OSBPL8: variants seen among roughly 807,000 people sequenced by gnomAD.
OSBPL8 encodes the protein oxysterol-binding protein-related protein 8.
A neutral mutation model predicts 125.5 loss-of-function variants in OSBPL8; 59 were observed. The ratio of observed to expected loss-of-function variants is 0.47; its 90% CI spans 0.38 to 0.58. The LOEUF (loss-of-function observed/expected upper bound fraction) is 0.58. Ranked by LOEUF, OSBPL8 falls within the 20% of genes least tolerant of loss-of-function variation. The pLI is 0.00. For missense variants in OSBPL8, 758 were observed against 1,047.8 expected (o/e 0.72, Z 3.82); for synonymous variants, 330 against 338.9 (o/e 0.97, Z 0.29).
intron 1 of OSBPL8, among the ~76,000 whole-genome samples, chr12:76,536,214 T>C (rs1200673178): frequency 1.3e-5 from 2 of 152,160 alleles, no homozygotes; most frequent in African/African-American, 4.8e-5. Flanking sequence ...AGGCCTGGTG[T>C]GGTGGCTCAC....
intron 1 of OSBPL8, among the ~76,000 whole-genome samples, chr12:76,547,871 C>G (rs994959801): frequency 2.0e-5 from 3 of 151,884 alleles, no homozygotes; most frequent in Non-Finnish European, 2.9e-5. Flanking sequence ...TAGGGGACAA[C>G]GAAAGGGGAA....
intron 2 of OSBPL8, among the ~76,000 whole-genome samples, chr12:76,460,424 A>T (rs1874575761): frequency 6.6e-6 from 1 of 152,040 alleles, no homozygotes; most frequent in South Asian, 2.1e-4. Context: ...AGTGCTTGTT[A>T]CATGCCAAGC....
intron 21 of OSBPL8, among the ~76,000 whole-genome samples, chr12:76,365,056 C>A (rs7136020): frequency 6.6e-6 from 1 of 152,184 alleles, no homozygotes; most frequent in African/African-American, 2.4e-5. Flanking sequence ...TCTGGGCTCA[C>A]GTGATCCTCC....
chr12:76,550,230 T>C (rs1950897780), intron 1 of OSBPL8, among the ~76,000 whole-genome samples: 1 of 151,936 alleles, frequency 6.6e-6, no homozygotes, highest in African/African-American at 2.4e-5. Context: ...TTTGGTCATA[T>C]CCAAATTTTT....
Position 76,397,732 on chromosome 12 carries a change from G to A in OSBPL8, c.634C>T (p.Leu212Phe). 6.2e-7 allele frequency: 1 copy of A among 1,614,022 alleles called. No individual in the cohort carries two copies. Among genetic ancestry groups the A allele is most frequent in the Non-Finnish European group, 8.5e-7 (1 of 1,179,976 alleles). The change falls in exon 8 of 24, where the codon CTT becomes TTT. Residue 212 changes from leucine (L) to phenylalanine (F), a missense_variant. Around this residue, in one of 3 missense-constraint regions of OSBPL8, gnomAD observed 69 missense variants for 148.7 expected, o/e 0.46. Coordinates refer to ENST00000261183, the MANE Select transcript of OSBPL8 (RefSeq NM_020841.5). ...PSKKDGFCFK[L>F]FHPLEQSIWA... is the part of the protein sequence containing the mutation. Reference sequence around the variant, plus strand: ...ATAGATTGCTCCAAAGGATGGAAAAGTTTGAAACAAAAGCCATCCTTTTTT... The same window carrying A: ...ATAGATTGCTCCAAAGGATGGAAAAATTTGAAACAAAAGCCATCCTTTTTT...
At chr12:76,524,216 C>G (rs914216479) in intron 1 of OSBPL8, among the ~76,000 whole-genome samples, 1 of 152,098 alleles carries the variant, frequency 6.6e-6, no homozygotes, top group African/African-American at 2.4e-5. Flanking sequence ...AAGCACCAAA[C>G]TATAACCCTA....
chr12:76,397,624 T>C lies in OSBPL8; in HGVS notation c.672+70A>G, dbSNP rs116046840. 1,783 of 1,416,876 alleles carry C rather than the reference T, an allele frequency of 1.3e-3. 23 individuals are homozygous for C. In the African/African-American group the frequency reaches 0.022, roughly 18 times the overall value. 87.8% of individuals were successfully genotyped at this position (1,416,876 alleles called of 1,614,324 possible). A position where few individuals can be genotyped will look rare whatever the true frequency, so the allele number is the denominator to read the frequency against. The stretch of plus-strand genomic sequence containing the variant: ...CTGGCAGAGGACTAAACTCATTTGA[T>C]TGATGTATCTCAGTTCTATTCATGG... On this transcript the variant is annotated intron_variant, in intron 8 of 23. Coordinates refer to ENST00000261183, the MANE Select transcript of OSBPL8 (RefSeq NM_020841.5).
intron 15 of OSBPL8, among the ~76,000 whole-genome samples, chr12:76,383,159 A>T (rs1397466546): frequency 2.0e-5 from 3 of 152,132 alleles, no homozygotes; most frequent in Non-Finnish European, 4.4e-5. Flanking sequence ...GTACTATAAC[A>T]CAGAAAAAAG....
intron 4 of OSBPL8, among the ~76,000 whole-genome samples, chr12:76,410,932 C>T (rs1954488966): frequency 6.6e-6 from 1 of 152,170 alleles, no homozygotes; most frequent in Non-Finnish European, 1.5e-5. Flanking sequence ...AGCTGGTTTC[C>T]AGCAACGAAT....
At chr12:76,373,163 A>G (rs1952683475) in intron 18 of OSBPL8, among the ~76,000 whole-genome samples, 181 bp downstream of exon 18, 1 of 152,186 alleles carries the variant, frequency 6.6e-6, no homozygotes, top group South Asian at 2.1e-4. Context: ...TGGAAATAAA[A>G]TATTACACAA....
intron 1 of OSBPL8, among the ~76,000 whole-genome samples, chr12:76,506,753 G>A (rs1880457649): frequency 6.6e-6 from 1 of 152,204 alleles, no homozygotes; most frequent in South Asian, 2.1e-4. Context: ...TCCTGGAAGG[G>A]GAAAGTGGCT....
intron 1 of OSBPL8, among the ~76,000 whole-genome samples, chr12:76,505,068 C>T (rs1001582225): frequency 6.6e-6 from 1 of 152,174 alleles, no homozygotes; most frequent in Non-Finnish European, 1.5e-5. Context: ...ACCCTAGCCT[C>T]CAATAGAGGA....
At chr12:76,464,136 T>C (rs1366577071) in intron 2 of OSBPL8, among the ~76,000 whole-genome samples, 4 of 152,180 alleles carry the variant, frequency 2.6e-5, no homozygotes, top group Non-Finnish European at 5.9e-5. Context: ...AAGGTCATCA[T>C]GGGCGCCTTG....
At chr12:76,392,879 A>G (rs1176936852) in intron 9 of OSBPL8, 127 bp from the exon 10 acceptor site, 4 of 890,998 alleles carry the variant, frequency 4.5e-6, no homozygotes, top group African/African-American at 3.4e-5. Flanking sequence ...TGAACATAAC[A>G]TCTTGCTAGA....
At chr12:76,417,645 C>A (rs1256702991) in intron 4 of OSBPL8, among the ~76,000 whole-genome samples, 1 of 152,140 alleles carries the variant, frequency 6.6e-6, no homozygotes, top group Non-Finnish European at 1.5e-5. Flanking sequence ...CTAGTATGTA[C>A]ACCGAGTTTT....
intron 2 of OSBPL8, among the ~76,000 whole-genome samples, chr12:76,475,545 A>T (rs34254100): frequency 0.2 from 31,046 of 152,212 alleles, 3,411 homozygotes; most frequent in Non-Finnish European, 0.26. Context: ...AATATGAATT[A>T]ACTGTGCAAC....
intron 1 of OSBPL8, among the ~76,000 whole-genome samples, chr12:76,499,340 A>ATCTATCTATCTG (rs1301514310): frequency 8.5e-5 from 10 of 118,134 alleles, no homozygotes; most frequent in African/African-American, 3.0e-4. Context: ...CTATCTATCT[A>ATCTATCTATCTG]TCTATCTATC....
chr12:76,515,421 G>C (rs1370514364), intron 1 of OSBPL8, among the ~76,000 whole-genome samples: 1 of 152,196 alleles, frequency 6.6e-6, no homozygotes, highest in Non-Finnish European at 1.5e-5. Context: ...GGGTATGTTA[G>C]AGAGGTATTT....
chr12:76,386,530 A>G (rs545744145), intron 13 of OSBPL8, 49 bp downstream of exon 13: 131 of 1,484,756 alleles, frequency 8.8e-5, no homozygotes, highest in Non-Finnish European at 1.2e-5. Flanking sequence ...TAAAATATAA[A>G]GAATTCATAA....
Sources: allele counts gnomAD v4.1 joint callset (sites outside exome capture counted in the v4.1 genomes callset), GRCh38; gene constraint gnomAD v4.1.1; regional missense constraint gnomAD v4.1.1; transcripts MANE v1.5; gene names NCBI Gene and HGNC (gene_info 2026-07-23, HGNC 2026-07-21).